Variants in GRIA3 observed in about 807,000 individuals in gnomAD.
GRIA3 encodes the protein glutamate ionotropic receptor AMPA type subunit 3, also known as glutamate receptor 3.
A neutral mutation model predicts 63.0 loss-of-function variants in GRIA3; 3 were observed. The ratio of observed to expected loss-of-function variants is 0.05; its 90% CI spans 0.02 to 0.12. GRIA3 has a LOEUF of 0.12. Among genes scored for constraint, GRIA3 ranks in the 10% least tolerant of loss-of-function variants. The probability of loss-of-function intolerance (pLI) is 1.00; values close to 1 mark genes in which losing one functional copy is unlikely to be tolerated. For missense variants in GRIA3, 347 were observed against 700.9 expected (o/e 0.50, Z 5.70); for synonymous variants, 274 against 257.9 (o/e 1.06, Z -0.60).
At chrX:123,319,103 C>A (rs1265833655) in intron 3 of GRIA3, among the ~76,000 whole-genome samples, 1 of 111,543 alleles carries the variant, frequency 9.0e-6, no homozygotes, top group Admixed American at 9.5e-5. Context: ...CCCCGTGATT[C>A]AATTACCTCC....
intron 5 of GRIA3, among the ~76,000 whole-genome samples, 186 bp from the exon 6 acceptor site, chrX:123,394,782 T>C (rs1043406480): frequency 4.5e-5 from 5 of 112,321 alleles, no homozygotes; most frequent in Non-Finnish European, 7.5e-5. Flanking sequence ...ATGCATATTT[T>C]CTCCATTATG....
chrX:123,261,122 TTAGCTTAG>T (rs2044457751), intron 3 of GRIA3, among the ~76,000 whole-genome samples: 1 of 111,760 alleles, frequency 8.9e-6, no homozygotes, highest in Non-Finnish European at 1.9e-5. Flanking sequence ...ACAAAGGTTA[TTAGCTTAG>T]TAGCTCGTTC....
chrX:123,431,893 T>C (rs2045620162), intron 12 of GRIA3, among the ~76,000 whole-genome samples: 1 of 112,231 alleles, frequency 8.9e-6, no homozygotes, highest in African/African-American at 3.2e-5. Context: ...TATAACATAG[T>C]ATTCTCTTGC....
intron 13 of GRIA3, among the ~76,000 whole-genome samples, chrX:123,475,022 T>G (rs1401173194): frequency 8.9e-6 from 1 of 112,357 alleles, no homozygotes; most frequent in Non-Finnish European, 1.9e-5. Context: ...ATTACATTAC[T>G]ATCCTCCATA....
intron 3 of GRIA3, among the ~76,000 whole-genome samples, chrX:123,255,657 T>C (rs1170764123): frequency 9.4e-6 from 1 of 106,896 alleles, no homozygotes; most frequent in Non-Finnish European, 1.9e-5. Flanking sequence ...AAAGACCATC[T>C]ATCTATTTCT....
At chrX:123,435,190 A>G (rs1054546845) in intron 12 of GRIA3, among the ~76,000 whole-genome samples, 10 of 111,878 alleles carry the variant, frequency 8.9e-5, no homozygotes, top group Admixed American at 3.8e-4. Flanking sequence ...GCATGGGCCA[A>G]TCTCTGGGTA....
At chrX:123,433,626 G>T (rs956991908) in intron 12 of GRIA3, among the ~76,000 whole-genome samples, 1 of 111,384 alleles carries the variant, frequency 9.0e-6, no homozygotes, top group African/African-American at 3.3e-5. Context: ...AAAGTTTGGG[G>T]GATAAAAGGA....
At chrX:123,442,900 G>A (rs980560469) in intron 12 of GRIA3, among the ~76,000 whole-genome samples, 1 of 109,109 alleles carries the variant, frequency 9.2e-6, no homozygotes, top group African/African-American at 3.3e-5. Flanking sequence ...GTGGTGTAGA[G>A]AGAAGCCTGA....
At chrX:123,481,193 G>C (rs6649020) in intron 14 of GRIA3, among the ~76,000 whole-genome samples, 39,739 of 110,881 alleles carry the variant, frequency 0.36, 5,511 homozygotes, top group South Asian at 0.53. Flanking sequence ...AAAGTCTAAT[G>C]GCAGAGGAAG....
chrX:123,467,219 C>T (rs1409743127), intron 13 of GRIA3, among the ~76,000 whole-genome samples: 1 of 112,266 alleles, frequency 8.9e-6, no homozygotes, highest in Non-Finnish European at 1.9e-5. Context: ...GGGTCACATT[C>T]GGCTCTTTCT....
rs150004886 is a variant in GRIA3, at chrX:123,464,984, C to T, written c.2196C>T (p.Phe732=). The T allele has an allele frequency of 1.3e-5, 16 of 1,208,500 alleles. No homozygotes were observed. Among genetic ancestry groups the T allele is most frequent in the East Asian group, 5.9e-5 (2 of 33,744 alleles). The part of the protein sequence containing the change: ...VARVRKSKGK[F]AFLLESTMNE... ...GAGTGCGAAAGTCCAAGGGAAAGTT[C>T]GCCTTCCTGCTGGAGTCAACCATGA... Residue 732 remains phenylalanine, a synonymous_variant, in exon 13 of 16, where the codon TTC becomes TTT. Transcript: ENST00000620443.
At chrX:123,460,476 G>T (rs1371956201) in intron 12 of GRIA3, among the ~76,000 whole-genome samples, 2 of 111,912 alleles carry the variant, frequency 1.8e-5, no homozygotes, top group Non-Finnish European at 3.8e-5. Flanking sequence ...TTCAAAAGGG[G>T]TTGGGTAAAT....
At chrX:123,441,704 C>T (rs2045674761) in intron 12 of GRIA3, among the ~76,000 whole-genome samples, 1 of 110,918 alleles carries the variant, frequency 9.0e-6, no homozygotes, top group Admixed American at 9.6e-5. Flanking sequence ...ATAAACAGCC[C>T]CTTTCCTGAA....
intron 2 of GRIA3, among the ~76,000 whole-genome samples, chrX:123,235,429 T>C (rs774601639): frequency 1.1e-4 from 12 of 111,838 alleles, no homozygotes; most frequent in Non-Finnish European, 2.3e-4. Context: ...TGTTAAGATC[T>C]TCAGAGAAAA....
chrX:123,263,561 C>T (rs1280201413), intron 3 of GRIA3, among the ~76,000 whole-genome samples: 4 of 112,064 alleles, frequency 3.6e-5, no homozygotes, highest in African/African-American at 1.3e-4. Context: ...GGTGCTTCAA[C>T]TTCACTGCAG....
At chrX:123,353,095 A>T (rs899736550) in intron 4 of GRIA3, among the ~76,000 whole-genome samples, 3 of 109,355 alleles carry the variant, frequency 2.7e-5, no homozygotes, top group Non-Finnish European at 5.7e-5. Flanking sequence ...ACTTGTTGAA[A>T]TGACTTGAGG....
At chrX:123,185,146 G>A (rs1463700733) in intron 1 of GRIA3, 6 of 276,150 alleles carry the variant, frequency 2.2e-5, no homozygotes, top group African/African-American at 1.7e-4. Flanking sequence ...GCCCACTTTG[G>A]ATCTCCCAGA....
chrX:123,405,424 T>G (rs1016809342), intron 10 of GRIA3, among the ~76,000 whole-genome samples: 2 of 112,222 alleles, frequency 1.8e-5, no homozygotes, highest in African/African-American at 6.5e-5. Context: ...ACCCTGCGTC[T>G]GTTCTTACCC....
intron 3 of GRIA3, among the ~76,000 whole-genome samples, chrX:123,308,997 C>A (rs1196553788): frequency 8.9e-6 from 1 of 112,467 alleles, no homozygotes; most frequent in Non-Finnish European, 1.9e-5. Context: ...TTGAAGAGGA[C>A]CCAGATTTCA....
Sources: gnomAD v4.1 joint callset for allele counts (sites outside exome capture counted in the v4.1 genomes callset) on GRCh38, gnomAD v4.1.1 for gene constraint, MANE v1.5 for transcripts, NCBI Gene and HGNC (gene_info 2026-07-23, HGNC 2026-07-21) for gene names.